Variants in PPP2R2C observed in about 807,000 individuals in gnomAD.
The protein encoded by PPP2R2C is protein phosphatase 2, regulatory subunit B, gamma.
A neutral mutation model predicts 45.3 loss-of-function variants in PPP2R2C; 10 were observed. The ratio of observed to expected loss-of-function variants is 0.22; its 90% CI spans 0.14 to 0.37. The LOEUF (loss-of-function observed/expected upper bound fraction) is 0.37. PPP2R2C is among the 10% of genes least tolerant of loss of function. PPP2R2C has a pLI of 1.00. For synonymous variants in PPP2R2C, 257 were observed against 245.4 expected (o/e 1.05, Z -0.44); for missense variants, 308 against 619.7 (o/e 0.50, Z 5.34).
chr4:6,555,740 A>T (rs1217846812), intron 1 of PPP2R2C: 1 of 152,238 alleles, frequency 6.6e-6, no homozygotes, highest in Admixed American at 6.5e-5. Context: ...TGCTGACAGA[A>T]GCGGGTGGGA....
chr4:6,523,096 A>C (rs1411439362), intron 2 of PPP2R2C, among the ~76,000 whole-genome samples: 1 of 152,194 alleles, frequency 6.6e-6, no homozygotes, highest in Non-Finnish European at 1.5e-5. Context: ...GGGCCTCCTG[A>C]TCACATTCCC....
intron 1 of PPP2R2C, among the ~76,000 whole-genome samples, chr4:6,440,205 T>A (rs62284503): frequency 0.49 from 75,073 of 151,788 alleles, 20,602 homozygotes; most frequent in Non-Finnish European, 0.65. Context: ...TGGCATGGAA[T>A]CAGCAATCAA....
intron 5 of PPP2R2C, among the ~76,000 whole-genome samples, chr4:6,369,700 C>T (rs946447622): frequency 4.6e-5 from 7 of 152,170 alleles, no homozygotes; most frequent in African/African-American, 1.7e-4. Context: ...GCAGCCTCCT[C>T]GAGCCCAGGG....
intron 5 of PPP2R2C, 85 bp from the exon 6 acceptor site, chr4:6,348,095 G>A (rs1481701607): frequency 2.0e-6 from 3 of 1,499,264 alleles, no homozygotes; most frequent in Admixed American, 3.5e-5. Context: ...CCTCTCCCGA[G>A]GCAAAACCGT....
chr4:6,493,676 C>G (rs916437810), intron 2 of PPP2R2C, among the ~76,000 whole-genome samples: 1 of 151,938 alleles, frequency 6.6e-6, no homozygotes, highest in Non-Finnish European at 1.5e-5. Flanking sequence ...TCTCCACACC[C>G]GCAGCGGAAC....
intron 2 of PPP2R2C, among the ~76,000 whole-genome samples, chr4:6,509,846 G>C (rs1006153897): frequency 2.0e-5 from 3 of 152,298 alleles, no homozygotes; most frequent in Admixed American, 1.3e-4. Flanking sequence ...CTGTCACAAG[G>C]CCGACTCCAC....
At chr4:6,557,834 C>A (rs915193443) in intron 1 of PPP2R2C, among the ~76,000 whole-genome samples, 7 of 152,294 alleles carry the variant, frequency 4.6e-5, no homozygotes, top group African/African-American at 1.7e-4. Flanking sequence ...CACCTGGGCA[C>A]TGGAGACCCA....
chr4:6,422,659 T>C (rs1307981751), intron 1 of PPP2R2C, among the ~76,000 whole-genome samples: 8 of 152,190 alleles, frequency 5.3e-5, no homozygotes. Flanking sequence ...GTTGTCCTTC[T>C]GTGTGTGTCT....
chr4:6,337,112 G>GTGTA (rs1202845732), intron 6 of PPP2R2C, among the ~76,000 whole-genome samples: 2 of 30,114 alleles, frequency 6.6e-5, no homozygotes, highest in Non-Finnish European at 1.3e-4. Flanking sequence ...ATGTGTGTGT[G>GTGTA]TATATATATA....
chr4:6,402,772 G>A (rs903277542), intron 1 of PPP2R2C, among the ~76,000 whole-genome samples: 4 of 152,220 alleles, frequency 2.6e-5, no homozygotes, highest in Admixed American at 2.0e-4. Flanking sequence ...TAACCTGAAG[G>A]GTCAGAAAGA....
At chr4:6,351,498 G>A (rs1233714801) in intron 5 of PPP2R2C, among the ~76,000 whole-genome samples, 2 of 152,080 alleles carry the variant, frequency 1.3e-5, no homozygotes, top group Non-Finnish European at 2.9e-5. Context: ...AGGGATCGAG[G>A]GCCTGGCTTT....
chr4:6,544,467 T>C (rs1251672217), intron 1 of PPP2R2C, among the ~76,000 whole-genome samples: 1 of 152,024 alleles, frequency 6.6e-6, no homozygotes, highest in Non-Finnish European at 1.5e-5. Context: ...CTCAGCCTCC[T>C]GAGTAGCTGG....
intron 2 of PPP2R2C, among the ~76,000 whole-genome samples, chr4:6,505,169 A>G (rs1385164350): frequency 6.6e-6 from 1 of 152,072 alleles, no homozygotes; most frequent in Non-Finnish European, 1.5e-5. Context: ...TTGGAAAAAA[A>G]AAAGCCTGTC....
intron 1 of PPP2R2C, among the ~76,000 whole-genome samples, chr4:6,405,664 C>T (rs865884672): frequency 6.6e-6 from 1 of 152,076 alleles, no homozygotes; most frequent in South Asian, 2.1e-4. Flanking sequence ...TCCCAGGCCA[C>T]AGGGGAGGGT....
chr4:6,409,564 C>A (rs762990500), intron 1 of PPP2R2C, among the ~76,000 whole-genome samples: 3 of 152,204 alleles, frequency 2.0e-5, no homozygotes, highest in East Asian at 3.9e-4. Context: ...GAGGCAGGCA[C>A]TGGGGACAGG....
At chr4:6,513,818 C>T (rs530261783) in intron 2 of PPP2R2C, among the ~76,000 whole-genome samples, 134 of 152,360 alleles carry the variant, frequency 8.8e-4, no homozygotes, top group African/African-American at 3.1e-3. Flanking sequence ...CCCCCATCTC[C>T]TCCCCACTTG....
chr4:6,355,836 C>A (rs1713121322), intron 5 of PPP2R2C, among the ~76,000 whole-genome samples: 1 of 150,488 alleles, frequency 6.6e-6, no homozygotes, highest in South Asian at 2.1e-4. Context: ...ACTAAAAATA[C>A]AAAAAAAATT....
chr4:6,517,586 G>T (rs1475335174), intron 2 of PPP2R2C, among the ~76,000 whole-genome samples: 1 of 152,166 alleles, frequency 6.6e-6, no homozygotes, highest in African/African-American at 2.4e-5. Context: ...GTTCTAAGAG[G>T]TGAGAGGGCC....
At chr4:6,375,077 G>A (rs890884269) in intron 4 of PPP2R2C, among the ~76,000 whole-genome samples, 1 of 152,222 alleles carries the variant, frequency 6.6e-6, no homozygotes, top group Non-Finnish European at 1.5e-5. Flanking sequence ...AGATGTGATC[G>A]CTGTATCCTT....
Sources: allele counts gnomAD v4.1 joint callset (sites outside exome capture counted in the v4.1 genomes callset), GRCh38; gene constraint gnomAD v4.1.1; transcripts MANE v1.5; gene names NCBI Gene and HGNC (gene_info 2026-07-23, HGNC 2026-07-21).